IQCK: variants seen among roughly 807,000 people sequenced by gnomAD.
IQCK encodes IQ motif containing K.
IQCK carries 29 observed loss-of-function variants against 28.1 expected under a neutral mutation model. That is an observed-to-expected ratio of 1.03 (90% confidence interval 0.77 to 1.41). The LOEUF is 1.41. Among genes scored for constraint, IQCK ranks in the 40% most tolerant of loss-of-function variants. IQCK has a pLI of 0.00. For synonymous variants in IQCK, 113 were observed against 115.1 expected (o/e 0.98, Z 0.12); for missense variants, 359 against 314.7 (o/e 1.14, Z -1.07).
At chr16:19,818,414 C>T (rs1206409599) in intron 7 of IQCK, among the ~76,000 whole-genome samples, 12 of 152,060 alleles carry the variant, frequency 7.9e-5, no homozygotes, top group African/African-American at 2.7e-4. Flanking sequence ...CTTTTTGAGA[C>T]GGAGTTTCGC....
At chr16:19,770,713 C>T (rs1253971984) in intron 6 of IQCK, among the ~76,000 whole-genome samples, 2 of 152,144 alleles carry the variant, frequency 1.3e-5, no homozygotes, top group African/African-American at 2.4e-5. Context: ...ACCTCTGCCT[C>T]CCGGGTTCAA....
At chr16:19,753,881 A>G (rs959871562) in intron 4 of IQCK, among the ~76,000 whole-genome samples, 9 of 151,896 alleles carry the variant, frequency 5.9e-5, no homozygotes, top group African/African-American at 9.7e-5. Flanking sequence ...GTATCCACCT[A>G]CTACATCAAA....
intron 9 of IQCK, 59 bp from the exon 9 acceptor site, chr16:19,856,428 A>G (rs375845928): frequency 5.7e-5 from 82 of 1,450,636 alleles, no homozygotes; most frequent in South Asian, 1.5e-4. Flanking sequence ...CGGTTTCCCA[A>G]TGACAAGCCT....
At chr16:19,822,799 A>T (rs1349937089) in intron 7 of IQCK, among the ~76,000 whole-genome samples, 5 of 152,222 alleles carry the variant, frequency 3.3e-5, no homozygotes, top group Non-Finnish European at 7.3e-5. Context: ...AGTGTACTTA[A>T]TGCTACTGAA....
At chr16:19,762,635 T>C (rs892776477) in intron 4 of IQCK, among the ~76,000 whole-genome samples, 3 of 152,142 alleles carry the variant, frequency 2.0e-5, no homozygotes, top group Admixed American at 2.0e-4. Flanking sequence ...TCCCTTCCTT[T>C]TTCCTACTCA....
At chr16:19,798,305 C>A (rs1465744046) in intron 7 of IQCK, among the ~76,000 whole-genome samples, 1 of 105,958 alleles carries the variant, frequency 9.4e-6, no homozygotes, top group Non-Finnish European at 1.6e-5. Context: ...GTAATCCCAG[C>A]TACTTGGGAG....
At chr16:19,736,984 CAAAAA>C (rs55687544) in intron 4 of IQCK, among the ~76,000 whole-genome samples, 1 of 67,084 alleles carries the variant, frequency 1.5e-5, no homozygotes. Flanking sequence ...CCGGTATTTA[CAAAAA>C]AAAAAAAAAA....
intron 7 of IQCK, among the ~76,000 whole-genome samples, chr16:19,810,004 C>G (rs931855658): frequency 2.6e-5 from 4 of 152,144 alleles, no homozygotes; most frequent in Non-Finnish European, 5.9e-5. Context: ...CTGAAGCCAG[C>G]AGTTAAATCA....
In IQCK at chr16:19,809,408, TCA is replaced by T. The variant is rs1385366826; in HGVS notation, c.691-17615_691-17614del. On this transcript the variant is annotated intron_variant, in intron 7 of 7. Transcript: ENST00000564186. The stretch of plus-strand genomic sequence containing the variant: ...CTGGGCTGGAATGTCCAAGCTGGCC[TCA>T]CATGTCTGGCAGGTGGTGCTGGCTG... Among the ~76,000 whole-genome samples, 8 of 152,192 alleles carry T rather than the reference TCA, an allele frequency of 5.3e-5. No homozygotes were observed. In the East Asian group the frequency reaches 1.3e-3, roughly 26 times the overall value.
chr16:19,817,511 A>G (rs1434841300), intron 7 of IQCK, among the ~76,000 whole-genome samples: 3 of 152,186 alleles, frequency 2.0e-5, no homozygotes, highest in Non-Finnish European at 4.4e-5. Context: ...TAAGGAAAAG[A>G]TGAAAGGGTC....
chr16:19,844,234 C>A (rs774859294), intron 9 of IQCK, among the ~76,000 whole-genome samples: 1 of 152,152 alleles, frequency 6.6e-6, no homozygotes, highest in East Asian at 1.9e-4. Context: ...CACCTGCCAC[C>A]ACGCCCGGCT....
chr16:19,823,287 C>G (rs867128927), intron 7 of IQCK, among the ~76,000 whole-genome samples: 1 of 152,088 alleles, frequency 6.6e-6, no homozygotes, highest in East Asian at 1.9e-4. Context: ...GGGGAGCAGC[C>G]GACCCCTTTA....
At chr16:19,733,327 C>T (rs994266795) in intron 2 of IQCK, among the ~76,000 whole-genome samples, 11 of 151,900 alleles carry the variant, frequency 7.2e-5, no homozygotes, top group Non-Finnish European at 1.0e-4. Flanking sequence ...TTAGTAGAAA[C>T]GGGATTTCAC....
At chr16:19,815,490 T>G (rs2055974513) in intron 7 of IQCK, among the ~76,000 whole-genome samples, 1 of 150,516 alleles carries the variant, frequency 6.6e-6, no homozygotes, top group Non-Finnish European at 1.5e-5. Flanking sequence ...ATCTCTACAA[T>G]TAGGAAAAAA....
chr16:19,823,323 C>T lies in IQCK; in HGVS notation c.691-3703C>T, dbSNP rs113418030. The stretch of plus-strand genomic sequence containing the variant: ...GACAAGCCTGGCTCTCTGGTCTGTC[C>T]TCATCCTGCACTCCCTTCACCAGTT... On this transcript the variant is annotated intron_variant, in intron 7 of 7. Coordinates refer to ENST00000564186, the Ensembl canonical transcript of IQCK. Among the ~76,000 whole-genome samples the T allele has an allele frequency of 8.1e-3, 1,240 of 152,272 alleles. 18 individuals are homozygous for T. The highest frequency in any genetic ancestry group is 0.028 in the African/African-American group (1,170 of 41,542).
At chr16:19,762,064 C>G (rs1314285608) in intron 4 of IQCK, 1 of 152,516 alleles carries the variant, frequency 6.6e-6, no homozygotes, top group Non-Finnish European at 1.5e-5. Context: ...CAGCAGAAAT[C>G]AGGAAAGCAG....
At chr16:19,719,794 C>T (rs922299027) in intron 1 of IQCK, among the ~76,000 whole-genome samples, 1 of 149,494 alleles carries the variant, frequency 6.7e-6, no homozygotes, top group Non-Finnish European at 1.5e-5. Context: ...ACACCTCAAT[C>T]TCCTGAGTAG....
At chr16:19,833,099 ATG>A (rs1198518705) in intron 9 of IQCK, among the ~76,000 whole-genome samples, 4 of 152,180 alleles carry the variant, frequency 2.6e-5, no homozygotes, top group Admixed American at 2.6e-4. Context: ...GTGTGTGTGT[ATG>A]TGTGTGGTGA....
At chr16:19,774,978 A>T (rs2055369975) in intron 6 of IQCK, among the ~76,000 whole-genome samples, 3 of 152,192 alleles carry the variant, frequency 2.0e-5, no homozygotes, top group African/African-American at 7.2e-5. Context: ...CTGTAATCCC[A>T]GCACTTTGGG....
Sources: allele counts gnomAD v4.1 joint callset (sites outside exome capture counted in the v4.1 genomes callset), GRCh38; gene constraint gnomAD v4.1.1; transcripts MANE v1.5; gene names NCBI Gene and HGNC (gene_info 2026-07-23, HGNC 2026-07-21).